HCLS1: variants seen among roughly 807,000 people sequenced by gnomAD.
HCLS1 encodes the protein hematopoietic lineage cell-specific protein.
HCLS1 carries 44 observed loss-of-function variants against 68.6 expected under a neutral mutation model. The ratio of observed to expected loss-of-function variants is 0.64; its 90% confidence interval spans 0.50 to 0.82. The LOEUF is 0.82. HCLS1 is among the 40% of genes least tolerant of loss of function. The pLI is 0.00. For missense variants in HCLS1, 602 were observed against 612.1 expected, an observed-to-expected ratio of 0.98 and a Z score of 0.17; for synonymous variants, 217 against 225.8, an observed-to-expected ratio of 0.96 and a Z score of 0.35.
At chr3:121,632,648 C>T in intron 11 of HCLS1, 85 bp from the exon 12 acceptor site, 1 of 1,191,936 alleles carries the variant, frequency 8.4e-7, no homozygotes, top group Non-Finnish European at 1.2e-6. Flanking sequence ...CGCCCTTCAC[C>T]ACCCTGCCTC....
chr3:121,658,074 A>T, intron 2 of HCLS1, 190 bp downstream of exon 2: 3 of 563,716 alleles, frequency 5.3e-6, no homozygotes, highest in Non-Finnish European at 9.6e-6. Context: ...GTCTCTTTTC[A>T]TCCCTGATAC....
chr3:121,650,510 C>A (rs1937726174), intron 3 of HCLS1, among the ~76,000 whole-genome samples: 1 of 151,856 alleles, frequency 6.6e-6, no homozygotes, highest in African/African-American at 2.4e-5. Context: ...CAGAAATAGA[C>A]CCACATGTAT....
chr3:121,641,010 G>A (rs1172990090), intron 6 of HCLS1, among the ~76,000 whole-genome samples: 5 of 152,078 alleles, frequency 3.3e-5, no homozygotes, highest in South Asian at 4.1e-4. Context: ...CCCAGAATGC[G>A]GCACAAGGAC....
At chr3:121,632,868 A>G (rs1309524075) in intron 11 of HCLS1, among the ~76,000 whole-genome samples, 199 bp downstream of exon 11, 1 of 152,156 alleles carries the variant, frequency 6.6e-6, no homozygotes, top group Non-Finnish European at 1.5e-5. Flanking sequence ...GCAAGAGCAC[A>G]TTGTTGAGCT....
chr3:121,635,770 G>T lies in HCLS1; in HGVS notation c.656C>A (p.Thr219Asn). 6.2e-7 allele frequency: 1 copy of T among 1,614,148 alleles called. No homozygotes were observed. Among genetic ancestry groups the T allele is most frequent in the Non-Finnish European group, 8.5e-7 (1 of 1,179,994 alleles). Residue 219 changes from threonine (T) to asparagine (N), a missense_variant, in exon 9 of 14, where the codon ACC becomes AAC. By Grantham distance (65) the Thr-to-Asn change is moderately conservative (BLOSUM62 0). Coordinates refer to ENST00000314583, the MANE Select transcript of HCLS1 (RefSeq NM_005335.6). ...AVGFNEMEAP[T>N]TAYKKTTPIE... ...GGGCGTCGTCTTCTTATAAGCTGTG[G>T]TCGGGGCCTCCATTTCATTGAAGCC...
intron 3 of HCLS1, chr3:121,654,151 T>A (rs1937811934): frequency 6.6e-6 from 1 of 151,692 alleles, no homozygotes; most frequent in African/African-American, 2.4e-5. Context: ...TCCTGGGAGG[T>A]GGGAGGTCAC....
chr3:121,642,122 A>G (rs1226766419), intron 6 of HCLS1, among the ~76,000 whole-genome samples: 1 of 148,704 alleles, frequency 6.7e-6, no homozygotes, highest in Non-Finnish European at 1.5e-5. Flanking sequence ...ATAGAAAGCG[A>G]TCACGGAGAA....
At chr3:121,635,191 T>G (rs573319387) in intron 9 of HCLS1, among the ~76,000 whole-genome samples, 41 of 151,568 alleles carry the variant, frequency 2.7e-4, no homozygotes, top group Non-Finnish European at 5.0e-4. Flanking sequence ...ACTTTCTCTC[T>G]TTCTTTCTTT....
chr3:121,645,313 C>T (rs1374575575), intron 4 of HCLS1, among the ~76,000 whole-genome samples: 1 of 152,058 alleles, frequency 6.6e-6, no homozygotes, highest in Non-Finnish European at 1.5e-5. Context: ...ACTGACCGGA[C>T]GCCATAGCCG....
In HCLS1 at chr3:121,642,188, G is replaced by A. The variant is rs533795272; in HGVS notation, c.454+739C>T. Among the ~76,000 whole-genome samples, 4 of 151,284 alleles carry A rather than the reference G, an allele frequency of 2.6e-5. No homozygotes were observed. The East Asian group carries it at 5.8e-4, about 22-fold the overall frequency. On this transcript the variant is annotated intron_variant, in intron 6 of 13. Transcript: ENST00000314583. ...AAGCATATAAAATAGGGCCGGGCAC[G>A]GTGGCTCACACCTATAATCCCAGCA...
At chr3:121,634,186 C>G in intron 10 of HCLS1, 21 bp downstream of exon 10, 1 of 1,613,510 alleles carries the variant, frequency 6.2e-7, no homozygotes, top group Non-Finnish European at 8.5e-7. Flanking sequence ...GGATGTGGAT[C>G]CCAGAGGGCC....
rs1252134508 is a variant in HCLS1 at position 121,659,318 on chromosome 3, A to G, written c.1-971T>C. On this transcript the variant is annotated intron_variant, in intron 1 of 13. Transcript: ENST00000314583. ...GGATTTGGTGTGAAGAAGTAACAAC[A>G]GACAATGCTCATCTGCTGTGGTCAC... 3.3e-5 allele frequency among the ~76,000 whole-genome samples: 5 copies of G among 152,206 alleles called. No individual in the cohort carries two copies. In the East Asian group the frequency reaches 9.7e-4, roughly 29 times the overall value.
intron 3 of HCLS1, among the ~76,000 whole-genome samples, chr3:121,652,300 T>TTATA (rs1367337062): frequency 1.3e-5 from 2 of 151,958 alleles, no homozygotes; most frequent in Non-Finnish European, 2.9e-5. Flanking sequence ...GGTGGTTATA[T>TTATA]TATATATATA....
At chr3:121,643,124 T>C (rs906201604) in intron 5 of HCLS1, 143 bp from the exon 6 acceptor site, 1 of 669,612 alleles carries the variant, frequency 1.5e-6, no homozygotes, top group East Asian at 2.6e-5. Flanking sequence ...AGAAACAGGC[T>C]GGTATGGACA....
intron 3 of HCLS1, 24 bp from the exon 4 acceptor site, chr3:121,647,472 G>T (rs1937638952): frequency 7.4e-6 from 12 of 1,613,470 alleles, no homozygotes; most frequent in Non-Finnish European, 1.0e-5. Flanking sequence ...CATGACCAAG[G>T]CTCATCTATC....
intron 2 of HCLS1, 156 bp downstream of exon 2, chr3:121,658,108 G>A: frequency 1.5e-6 from 1 of 647,044 alleles, no homozygotes; most frequent in Non-Finnish European, 2.8e-6. Flanking sequence ...TGCCCCACAG[G>A]TGACAGCCAA....
At position 121,645,217 on chromosome 3, in the gene HCLS1, A is replaced by C. The variant is rs530367709; in HGVS notation, c.289-289T>G. ...GACAAGGTAGACAGAGCAGTGTTTA[A>C]ACCAGAAACAAAAAGAGCTGAAACA... On this transcript the variant is annotated intron_variant, in intron 4 of 13. Transcript: ENST00000314583. Among the ~76,000 whole-genome samples, 12 of 152,334 alleles carry C rather than the reference A, an allele frequency of 7.9e-5. No homozygotes were observed. In the East Asian group the frequency reaches 2.3e-3, roughly 29 times the overall value.
At chr3:121,641,744 T>A (rs1210485299) in intron 6 of HCLS1, among the ~76,000 whole-genome samples, 1 of 152,088 alleles carries the variant, frequency 6.6e-6, no homozygotes, top group Non-Finnish European at 1.5e-5. Context: ...AGGAATAGAA[T>A]ACCTTATTTT....
intron 4 of HCLS1, among the ~76,000 whole-genome samples, chr3:121,646,695 A>ATATACAT (rs1937612710): frequency 8.1e-6 from 1 of 122,928 alleles, no homozygotes; most frequent in Admixed American, 9.8e-5. Flanking sequence ...ATAAAATATA[A>ATATACAT]TATACATTAT....
Sources: allele counts gnomAD v4.1 joint callset (sites outside exome capture counted in the v4.1 genomes callset), GRCh38; gene constraint gnomAD v4.1.1; transcripts MANE v1.5; gene names NCBI Gene and HGNC (gene_info 2026-07-23, HGNC 2026-07-21).